Variants in NMT2 observed in about 807,000 individuals in gnomAD.
NMT2 encodes glycylpeptide N-tetradecanoyltransferase 2.
NMT2 carries 35 observed loss-of-function variants against 65.4 expected under a neutral mutation model. That is an observed-to-expected ratio of 0.54 (90% confidence interval 0.41 to 0.71). The LOEUF (loss-of-function observed/expected upper bound fraction) is 0.71, where lower values mean the gene tolerates loss of function less well. Among genes scored for constraint, NMT2 ranks in the 30% least tolerant of loss-of-function variants. NMT2 has a pLI of 0.00. For synonymous variants in NMT2, 226 were observed against 231.8 expected, an observed-to-expected ratio of 0.98 and a Z score of 0.23; for missense variants, 489 against 611.3, an observed-to-expected ratio of 0.80 and a Z score of 2.11.
chr10:15,167,827 G>A (rs1233448061), intron 1 of NMT2, among the ~76,000 whole-genome samples: 1 of 152,218 alleles, frequency 6.6e-6, no homozygotes, highest in Admixed American at 6.5e-5. Flanking sequence ...AACAGGATAC[G>A]GCCAGGTCAG....
chr10:15,108,187 T>G lies in NMT2; in HGVS notation c.*1008A>C. The G allele has an allele frequency of 1.0e-6, 1 of 976,308 alleles. No homozygotes were observed. The highest frequency in any genetic ancestry group is 2.0e-5 in the African/African-American group (1 of 50,414). The allele number at this position is 976,308 out of a possible 1,614,324, so 60.5% of individuals were successfully genotyped here. A position where few individuals can be genotyped will look rare whatever the true frequency, so the allele number is the denominator to read the frequency against. On this transcript the variant is annotated 3_prime_UTR_variant, in exon 12 of 12. Transcript: ENST00000378165. ...TAGTTAGTCGCGGGTACAGGCTCTT[T>G]CTTTTTTTTTTTTTTTGAGACGGAG...
intron 2 of NMT2, among the ~76,000 whole-genome samples, chr10:15,139,293 T>TATCTATCTATCTATCTATCC (rs1343525671): frequency 7.3e-6 from 1 of 136,208 alleles, no homozygotes; most frequent in Non-Finnish European, 1.6e-5. Context: ...TCTATCTATC[T>TATCTATCTATCTATCTATCC]ATCCATCCAT....
intron 1 of NMT2, among the ~76,000 whole-genome samples, chr10:15,161,305 CAT>C: frequency 6.6e-6 from 1 of 151,894 alleles, no homozygotes; most frequent in Admixed American, 6.6e-5. Context: ...GAAAAAAAAT[CAT>C]GTGAGAATGC....
intron 1 of NMT2, among the ~76,000 whole-genome samples, chr10:15,164,981 C>G (rs764548213): frequency 2.0e-5 from 3 of 152,072 alleles, no homozygotes; most frequent in Non-Finnish European, 4.4e-5. Context: ...CTAACCAACA[C>G]GGTAAAATCC....
chr10:15,153,923 A>C (rs1832898614), intron 1 of NMT2, among the ~76,000 whole-genome samples: 1 of 152,130 alleles, frequency 6.6e-6, no homozygotes, highest in Non-Finnish European at 1.5e-5. Flanking sequence ...AAGTGCTGGG[A>C]TTACAGGCGT....
intron 1 of NMT2, among the ~76,000 whole-genome samples, chr10:15,150,140 G>C (rs1832752128): frequency 6.6e-6 from 1 of 152,200 alleles, no homozygotes; most frequent in African/African-American, 2.4e-5. Context: ...AGGTAACCCA[G>C]AGGTTCATCA....
chr10:15,155,005 T>C (rs769055150), intron 1 of NMT2: 2 of 1,184,336 alleles, frequency 1.7e-6, no homozygotes, highest in African/African-American at 1.5e-5. Context: ...ATGGACAAGA[T>C]GCCAGGACCT....
At position 15,133,290 on chromosome 10, in the gene NMT2, T is replaced by C; in HGVS notation, c.465A>G (p.Pro155=). ...DNVRQEPYSL[P]QGFMWDTLDL... ...CTAAAGTGTCCCACATAAAACCCTG[T>C]GGCAAAGAATACGGTTCTTGGCGTA... Residue 155 remains proline, a synonymous_variant, in exon 4 of 12, where the codon CCA becomes CCG. Transcript: ENST00000378165. The C allele has an allele frequency of 6.2e-7, 1 of 1,614,238 alleles. No homozygotes were observed. The highest frequency in any genetic ancestry group is 8.5e-7 in the Non-Finnish European group (1 of 1,180,034).
chr10:15,112,753 C>G (rs1354044345), intron 10 of NMT2, 43 bp downstream of exon 10: 3 of 1,562,802 alleles, frequency 1.9e-6, no homozygotes, highest in African/African-American at 2.7e-5. Context: ...TTGGCACAGA[C>G]ATTTGGAGAA....
Position 15,127,580 on chromosome 10 carries a change from A to AAAT in NMT2, c.999+767_999+769dup, listed in dbSNP as rs1329028467. Reference sequence around the variant, plus strand: ...AAAAAAAAAAAAAAAATAAATAAATAAATAAATAAATAAATAAAATAAAAT... The same window carrying AAAT: ...AAAAAAAAAAAAAAAATAAATAAATAAATAATAAATAAATAAATAAAATAAAAT... On this transcript the variant is annotated intron_variant, in intron 8 of 11. Transcript: ENST00000378165. 4.2e-5 allele frequency among the ~76,000 whole-genome samples: 3 copies of AAAT among 71,494 alleles called. No individual in the cohort carries two copies. The East Asian group carries it at 8.5e-4, about 20-fold the overall frequency. The allele number at this position is 71,494 out of a possible 152,430, so 46.9% of individuals were successfully genotyped here.
intron 5 of NMT2, 47 bp downstream of exon 5, chr10:15,133,006 C>G (rs777742687): frequency 6.3e-7 from 1 of 1,595,918 alleles, no homozygotes. Context: ...CAGGAGTCCC[C>G]AAGTCAGCAG....
chr10:15,115,191 G>C (rs751332532), intron 9 of NMT2, among the ~76,000 whole-genome samples: 2 of 152,080 alleles, frequency 1.3e-5, no homozygotes, highest in Admixed American at 6.5e-5. Context: ...GAATAATAGA[G>C]TAGAAATTTG....
At chr10:15,130,680 G>C (rs943640851) in intron 6 of NMT2, among the ~76,000 whole-genome samples, 1 of 109,224 alleles carries the variant, frequency 9.2e-6, no homozygotes, top group African/African-American at 3.7e-5. Context: ...CTCCAGCCTG[G>C]ACAACAGAGC....
At chr10:15,136,135 C>T (rs895725454) in intron 2 of NMT2, among the ~76,000 whole-genome samples, 18 of 151,322 alleles carry the variant, frequency 1.2e-4, no homozygotes, top group African/African-American at 3.6e-4. Context: ...GAGGGAGAAT[C>T]GCTTGAACCT....
At chr10:15,142,262 A>G (rs1340503449) in intron 1 of NMT2, among the ~76,000 whole-genome samples, 1 of 152,242 alleles carries the variant, frequency 6.6e-6, no homozygotes, top group Non-Finnish European at 1.5e-5. Context: ...AAACTGTTTA[A>G]GAACTAAGCA....
intron 1 of NMT2, among the ~76,000 whole-genome samples, chr10:15,152,427 G>A (rs1245833781): frequency 6.6e-6 from 1 of 152,238 alleles, no homozygotes; most frequent in Non-Finnish European, 1.5e-5. Context: ...AGAAGGGATG[G>A]CTTAAAGCTG....
At position 15,155,535 on chromosome 10, in the gene NMT2, GTTTTTTTTTTTT is replaced by G. The variant is rs71390015; in HGVS notation, c.110+12956_110+12967del. On this transcript the variant is annotated intron_variant, in intron 1 of 11. Coordinates refer to ENST00000378165, the MANE Select transcript of NMT2 (RefSeq NM_004808.3). ...AGGTGTATGCCACTATGCCGGGCTA[GTTTTTTTTTTTT>G]TTTTTTTTTTTTTTTTGTAGAGGCA... Among the ~76,000 whole-genome samples the G allele has an allele frequency of 3.2e-4, 19 of 59,392 alleles. 1 individual carries two copies. The East Asian group carries it at 0.01, about 32-fold the overall frequency. 39.0% of individuals were successfully genotyped at this position (59,392 alleles called of 152,430 possible). A position where few individuals can be genotyped will look rare whatever the true frequency, so the allele number is the denominator to read the frequency against.
intron 1 of NMT2, among the ~76,000 whole-genome samples, chr10:15,162,631 G>A (rs951304109): frequency 1.3e-5 from 2 of 151,806 alleles, no homozygotes. Flanking sequence ...TAAGATCCCA[G>A]CGATGTTAAA....
rs189512116 is a variant in NMT2, at chr10:15,114,492, C to T, written c.1171-1529G>A. Among the ~76,000 whole-genome samples, 229 of 152,238 alleles carry T rather than the reference C, an allele frequency of 1.5e-3. 1 individual carries two copies. Among genetic ancestry groups the T allele is most frequent in the Non-Finnish European group, 1.5e-3 (105 of 68,012 alleles). On this transcript the variant is annotated intron_variant, in intron 9 of 11. Transcript: ENST00000378165. ...CAAAAAAACCCCGCTCACAACAAAA[C>T]CCACCATGGCACCATGTCTAGATGG...
Sources: allele counts gnomAD v4.1 joint callset (sites outside exome capture counted in the v4.1 genomes callset), GRCh38; gene constraint gnomAD v4.1.1; transcripts MANE v1.5; gene names NCBI Gene and HGNC (gene_info 2026-07-23, HGNC 2026-07-21).